Variants in PITPNA observed in about 807,000 individuals in gnomAD.
The protein encoded by PITPNA is phosphatidylinositol transfer protein alpha, also known as phosphatidylinositol transfer protein alpha isoform.
In PITPNA, 13 loss-of-function variants were observed where a neutral mutation model predicts 50.3. The observed-to-expected ratio is 0.26, with a 90% CI of 0.17 to 0.41. The LOEUF is 0.41. Ranked by LOEUF, PITPNA falls within the 10% of genes least tolerant of loss-of-function variation. The pLI is 1.00. For synonymous variants in PITPNA, 120 were observed against 119.6 expected (o/e 1.00, Z -0.02); for missense variants, 207 against 333.4 (o/e 0.62, Z 2.95).
intron 10 of PITPNA, among the ~76,000 whole-genome samples, chr17:1,524,020 C>CT (rs910384211): frequency 6.6e-6 from 1 of 150,498 alleles, no homozygotes; most frequent in African/African-American, 2.4e-5. Context: ...GCAATGCTCT[C>CT]TAAGCCTCAG....
chr17:1,552,770 G>A (rs1007141772), intron 3 of PITPNA, among the ~76,000 whole-genome samples: 7 of 152,158 alleles, frequency 4.6e-5, no homozygotes, highest in African/African-American at 1.2e-4. Flanking sequence ...TTCAGAGACC[G>A]AGGCAGACAG....
At chr17:1,541,700 T>C in intron 5 of PITPNA, 60 bp from the exon 6 acceptor site, 2 of 1,075,992 alleles carry the variant, frequency 1.9e-6, no homozygotes, top group Non-Finnish European at 2.9e-6. Context: ...AGTAACCATC[T>C]CCCATTACTG....
rs1401640343 is a variant in PITPNA, at chr17:1,540,582, CTTTT to C, written c.372+980_372+983del. On this transcript the variant is annotated intron_variant, in intron 6 of 11. Transcript: ENST00000313486. Reference sequence around the variant, plus strand: ...ATTTAACGTTGTCCTACTAACGGGCCTTTTTTTTCTCTTTTTTTTTTTTTAAGAC... The same window carrying C: ...ATTTAACGTTGTCCTACTAACGGGCCTTTTCTCTTTTTTTTTTTTTAAGAC... 3.3e-5 allele frequency among the ~76,000 whole-genome samples: 5 copies of C among 150,488 alleles called. No homozygotes were observed. In the South Asian group the frequency reaches 1.1e-3, roughly 32 times the overall value.
Position 1,532,983 on chromosome 17 carries a change from G to A in PITPNA, c.768+1116C>T, listed in dbSNP as rs139460906. On this transcript the variant is annotated intron_variant, in intron 10 of 11. Coordinates refer to ENST00000313486, the MANE Select transcript of PITPNA (RefSeq NM_006224.4). ...GGAAGAACTTCTGGACCCAATTTTC[G>A]CCCTAGACCAGCATGGTGAAGCAGA... 3.3e-3 allele frequency among the ~76,000 whole-genome samples: 498 copies of A among 152,292 alleles called. 4 individuals are homozygous for A. Among genetic ancestry groups the A allele is most frequent in the African/African-American group, 0.011 (452 of 41,544 alleles).
chr17:1,562,485 G>T lies in PITPNA; in HGVS notation c.20+56C>A. ...GCGTCCCTCGCCGCGCCGTCGCCCCGGCGGCCGTCCCCACCCTCCCTCCTC... is the reference window on the plus strand; with the variant it reads ...GCGTCCCTCGCCGCGCCGTCGCCCCTGCGGCCGTCCCCACCCTCCCTCCTC... On this transcript the variant is annotated intron_variant, in intron 1 of 11. Transcript: ENST00000313486. The surrounding 1 kb of genome is among the most constrained non-coding windows in gnomAD (Gnocchi z 6.4). 1 of 1,352,712 alleles carries T rather than the reference G, an allele frequency of 7.4e-7. No individual in the cohort carries two copies. Among genetic ancestry groups the T allele is most frequent in the South Asian group, 1.5e-5 (1 of 65,858 alleles). 83.8% of individuals were successfully genotyped at this position (1,352,712 alleles called of 1,614,324 possible).
At chr17:1,533,349 G>T (rs572792250) in intron 10 of PITPNA, among the ~76,000 whole-genome samples, 1 of 152,116 alleles carries the variant, frequency 6.6e-6, no homozygotes, top group East Asian at 1.9e-4. Context: ...CCAGAGCACC[G>T]CAGCATTGAG....
At chr17:1,527,242 C>CTGGT (rs144956583) in intron 10 of PITPNA, among the ~76,000 whole-genome samples, 2 of 151,966 alleles carry the variant, frequency 1.3e-5, no homozygotes, top group Non-Finnish European at 2.9e-5. Context: ...AACTTCAATC[C>CTGGT]TGGTTGGTTG....
Position 1,541,219 on chromosome 17 carries a change from G to A in PITPNA, c.372+347C>T, listed in dbSNP as rs577734770. Among the ~76,000 whole-genome samples the A allele has an allele frequency of 7.9e-5, 12 of 152,186 alleles. No individual in the cohort carries two copies. In the South Asian group the frequency reaches 2.5e-3, roughly 32 times the overall value. On this transcript the variant is annotated intron_variant, in intron 6 of 11. Transcript: ENST00000313486. Reference sequence around the variant, plus strand: ...TGTGAAAATAACTGTCTAAATTCTTGGGCATGGAAATGCTAAAGGATAGGT... The same window carrying A: ...TGTGAAAATAACTGTCTAAATTCTTAGGCATGGAAATGCTAAAGGATAGGT...
intron 3 of PITPNA, 97 bp downstream of exon 3, chr17:1,552,907 T>A: frequency 8.3e-7 from 1 of 1,210,960 alleles, no homozygotes; most frequent in Non-Finnish European, 1.2e-6. Context: ...GATATAACAA[T>A]TAGTATAATC....
At chr17:1,535,920 ATTTG>A (rs2075613133) in intron 7 of PITPNA, 1 of 192,502 alleles carries the variant, frequency 5.2e-6, no homozygotes, top group South Asian at 1.0e-4. Context: ...GGCAGCACAG[ATTTG>A]TTTTTTGTTT....
At chr17:1,557,718 G>A (rs3785964) in intron 2 of PITPNA, among the ~76,000 whole-genome samples, 29,132 of 152,084 alleles carry the variant, frequency 0.19, 3,818 homozygotes, top group African/African-American at 0.37. Context: ...CCCAGGAACC[G>A]TAAAAGGACA....
chr17:1,524,399 C>T (rs1221450078), intron 10 of PITPNA, among the ~76,000 whole-genome samples: 4 of 144,800 alleles, frequency 2.8e-5, no homozygotes, highest in Admixed American at 2.1e-4. Context: ...GGCTGGAGTG[C>T]AGTGGTGCGA....
intron 10 of PITPNA, among the ~76,000 whole-genome samples, chr17:1,527,940 G>C (rs114550136): frequency 6.6e-6 from 1 of 152,174 alleles, no homozygotes; most frequent in African/African-American, 2.4e-5. Flanking sequence ...CCAACACTTC[G>C]GGAGGCTGAG....
intron 2 of PITPNA, among the ~76,000 whole-genome samples, chr17:1,556,289 G>T (rs17821294): frequency 0.1 from 15,564 of 152,256 alleles, 910 homozygotes; most frequent in East Asian, 0.14. Flanking sequence ...AGGCAGACAG[G>T]TGAATCCTGA....
At position 1,538,899 on chromosome 17, in the gene PITPNA, G is replaced by A. The variant is rs368544713; in HGVS notation, c.426C>T (p.Asp142=). The A allele has an allele frequency of 9.3e-5, 150 of 1,613,592 alleles. No homozygotes were observed. Among genetic ancestry groups the A allele is most frequent in the Non-Finnish European group, 1.2e-4 (139 of 1,179,650 alleles). Residue 142 remains aspartate, a synonymous_variant, in exon 7 of 12, where the codon GAC becomes GAT. Transcript: ENST00000313486. ...AWKHVEAVYI[D]IADRSQVLSK... ...TGAGCACTTGGCTTCGATCTGCAAT[G>A]TCTATATATACGGCTTCCACGTGTT...
intron 10 of PITPNA, among the ~76,000 whole-genome samples, chr17:1,527,714 A>G (rs1381049317): frequency 6.6e-6 from 1 of 152,188 alleles, no homozygotes; most frequent in Admixed American, 6.5e-5. Flanking sequence ...TACACCTTTG[A>G]TCTAAAAAAA....
chr17:1,553,351 A>G (rs1035994013), intron 2 of PITPNA, among the ~76,000 whole-genome samples: 1 of 152,150 alleles, frequency 6.6e-6, no homozygotes, highest in Non-Finnish European at 1.5e-5. Context: ...GACCCATCAG[A>G]CGTGTTTAGT....
chr17:1,535,301 G>T lies in PITPNA; in HGVS notation c.535-9C>A. ...TGGTTTACAAGCTCTTGCTGCATTA[G>T]AAACATACCCATGGGTACGCAAGTA... On this transcript the variant is annotated splice_polypyrimidine_tract_variant and intron_variant, in intron 8 of 11. Coordinates refer to ENST00000313486, the MANE Select transcript of PITPNA (RefSeq NM_006224.4). 4 of 1,595,740 alleles carry T rather than the reference G, an allele frequency of 2.5e-6. No individual in the cohort carries two copies. The highest frequency in any genetic ancestry group is 3.4e-6 in the Non-Finnish European group (4 of 1,163,272).
chr17:1,539,920 AGAAACAGGGTT>A, intron 6 of PITPNA, among the ~76,000 whole-genome samples: 1 of 152,376 alleles, frequency 6.6e-6, no homozygotes, highest in Admixed American at 6.5e-5. Flanking sequence ...TATTTTTAGT[AGAAACAGGGTT>A]TCACCATGTT....
Sources: gnomAD v4.1 joint callset for allele counts (sites outside exome capture counted in the v4.1 genomes callset) on GRCh38, gnomAD v4.1.1 for gene constraint, Gnocchi (gnomAD v3.1) non-coding constraint, MANE v1.5 for transcripts, NCBI Gene and HGNC (gene_info 2026-07-23, HGNC 2026-07-21) for gene names.